The following STARD5 variants were observed in gnomAD, a reference collection of about 807,000 sequenced individuals.
The protein encoded by STARD5 is StAR related lipid transfer domain containing 5.
A neutral mutation model predicts 24.6 loss-of-function variants in STARD5; 26 were observed. The observed-to-expected ratio is 1.06, with a 90% CI of 0.77 to 1.47. STARD5 has a LOEUF of 1.47. Ranked by LOEUF, STARD5 falls within the 40% of genes most tolerant of loss-of-function variation. The pLI is 0.00. For missense variants in STARD5, 254 were observed against 270.8 expected, an observed-to-expected ratio of 0.94 and a Z score of 0.44; for synonymous variants, 101 against 99.7, an observed-to-expected ratio of 1.01 and a Z score of -0.07.
intron 1 of STARD5, 187 bp downstream of exon 1, chr15:81,323,814 T>C (rs758753668): frequency 1.4e-5 from 10 of 718,410 alleles, no homozygotes; most frequent in Admixed American, 7.4e-5. Flanking sequence ...CCTGAAGTCA[T>C]TGTGAGCATA....
At chr15:81,322,381 A>G (rs377167830) in intron 3 of STARD5, 27 bp downstream of exon 3, 3 of 1,600,114 alleles carry the variant, frequency 1.9e-6, no homozygotes, top group Non-Finnish European at 2.6e-6. Context: ...GACACTATCT[A>G]GAGATAACAT....
At chr15:81,314,173 A>C (rs900846847) in intron 5 of STARD5, 1 of 152,190 alleles carries the variant, frequency 6.6e-6, no homozygotes, top group African/African-American at 2.4e-5. Flanking sequence ...GGCCCTATGA[A>C]GCCCTCAAAT....
intron 1 of STARD5, chr15:81,323,699 T>C (rs1024830305): frequency 3.0e-5 from 27 of 887,706 alleles, no homozygotes; most frequent in East Asian, 5.1e-5. Flanking sequence ...TTAAATGCAA[T>C]TTATTTACTT....
At position 81,313,374 on chromosome 15, in the gene STARD5, A is replaced by G. The variant is rs376164995; in HGVS notation, c.524T>C (p.Phe175Ser). The change falls in exon 6 of 6, where the codon TTC (phenylalanine) becomes TCC (serine). Residue 175 changes from phenylalanine (F) to serine (S), a missense_variant. Physicochemically the swap from Phe to Ser is radical, Grantham distance 155. Transcript: ENST00000302824. Reference sequence around the variant, plus strand: ...GTAACCGCTGAGGTCGGTATGGAAGAATGTGACCAGGTTGGTCTTGGTGGG... The same window carrying G: ...GTAACCGCTGAGGTCGGTATGGAAGGATGTGACCAGGTTGGTCTTGGTGGG... ...GEPTKTNLVT[F>S]FHTDLSGYLP... 7.1e-5 allele frequency: 111 copies of G among 1,572,702 alleles called. No homozygotes were observed. The highest frequency in any genetic ancestry group is 9.4e-5 in the Non-Finnish European group (109 of 1,158,684).
chr15:81,323,101 C>A (rs2141679282), intron 1 of STARD5, 153 bp from the exon 2 acceptor site: 1 of 743,806 alleles, frequency 1.3e-6, no homozygotes, highest in Admixed American at 2.6e-5. Flanking sequence ...TGGGACTAGT[C>A]TTGGGCAAAG....
chr15:81,315,673 A>C (rs910065773), intron 5 of STARD5, among the ~76,000 whole-genome samples: 19 of 151,748 alleles, frequency 1.3e-4, no homozygotes, highest in Admixed American at 2.6e-4. Context: ...CTCAACCACC[A>C]CCACCTCTGG....
chr15:81,318,877 C>CA (rs1901137188), intron 4 of STARD5, among the ~76,000 whole-genome samples: 1 of 152,206 alleles, frequency 6.6e-6, no homozygotes, highest in African/African-American at 2.4e-5. Context: ...TCTCAAATCT[C>CA]AGCCAGGAGA....
At chr15:81,322,352 G>A in intron 3 of STARD5, 56 bp downstream of exon 3, 1 of 1,608,940 alleles carries the variant, frequency 6.2e-7, no homozygotes, top group South Asian at 1.1e-5. Context: ...ATGGGAGGGG[G>A]TTACTATAGC....
At chr15:81,323,798 T>C (rs1450795888) in intron 1 of STARD5, 1 of 706,112 alleles carries the variant, frequency 1.4e-6, no homozygotes. Context: ...GAACAGATAC[T>C]TACCACCTGA....
At chr15:81,315,771 T>C (rs536246972) in intron 5 of STARD5, among the ~76,000 whole-genome samples, 1 of 152,098 alleles carries the variant, frequency 6.6e-6, no homozygotes, top group African/African-American at 2.4e-5. Flanking sequence ...GAGAAGGCCC[T>C]AGCAAAGGCG....
intron 1 of STARD5, chr15:81,323,677 C>A: frequency 1.0e-6 from 1 of 994,348 alleles, no homozygotes; most frequent in Non-Finnish European, 1.6e-6. Flanking sequence ...TTTTTAAACA[C>A]CTGCTTACCC....
chr15:81,316,976 C>T (rs1901096150), intron 5 of STARD5, among the ~76,000 whole-genome samples: 3 of 152,086 alleles, frequency 2.0e-5, no homozygotes, highest in Admixed American at 1.3e-4. Context: ...AGACGGGGAT[C>T]ATTTGAGGTC....
At position 81,309,132 on chromosome 15, in the gene STARD5, T is replaced by TGTAACTGTGTCATGATTC. The variant is rs1900724358; in HGVS notation, c.*4106_*4123dup. 1 of 237,808 alleles carries TGTAACTGTGTCATGATTC rather than the reference T, an allele frequency of 4.2e-6. No homozygotes were observed. The highest frequency in any genetic ancestry group is 8.1e-6 in the Non-Finnish European group (1 of 123,196). 14.7% of individuals were successfully genotyped at this position (237,808 alleles called of 1,614,324 possible). A position where few individuals can be genotyped will look rare whatever the true frequency, so the allele number is the denominator to read the frequency against. On this transcript the variant is annotated 3_prime_UTR_variant, in exon 6 of 6. Coordinates refer to ENST00000302824, the MANE Select transcript of STARD5 (RefSeq NM_181900.3). The stretch of plus-strand genomic sequence containing the variant: ...TGGCTTCGCAAAATGTTTCAAGTAC[T>TGTAACTGTGTCATGATTC]GTAACTGTGTCATGATTCACCCCCA...
intron 1 of STARD5, 55 bp downstream of exon 1, chr15:81,323,946 C>T: frequency 6.5e-7 from 1 of 1,538,526 alleles, no homozygotes; most frequent in Non-Finnish European, 8.8e-7. Context: ...CTTCTGGGGA[C>T]CCGGGCTCCA....
chr15:81,323,420 C>G, intron 1 of STARD5: 1 of 340,452 alleles, frequency 2.9e-6, no homozygotes, highest in East Asian at 7.4e-5. Context: ...AAGGGTCAAG[C>G]AAAACTACTC....
intron 5 of STARD5, among the ~76,000 whole-genome samples, 173 bp downstream of exon 5, chr15:81,318,236 G>T (rs991723756): frequency 6.6e-6 from 1 of 152,190 alleles, no homozygotes; most frequent in Admixed American, 6.5e-5. Context: ...CTCTCAGGAG[G>T]TTCTGCTTAT....
At chr15:81,319,517 A>C in intron 3 of STARD5, 61 bp from the exon 4 acceptor site, 2 of 1,440,546 alleles carry the variant, frequency 1.4e-6, no homozygotes, top group South Asian at 1.1e-5. Flanking sequence ...CCCAACTCCC[A>C]CCCCATCCCT....
chr15:81,321,076 C>T (rs1051641666), intron 3 of STARD5, among the ~76,000 whole-genome samples: 2 of 152,190 alleles, frequency 1.3e-5, no homozygotes, highest in Non-Finnish European at 2.9e-5. Flanking sequence ...GGCAATTCTC[C>T]ACTTTTTTGT....
At chr15:81,318,975 C>G (rs1035146020) in intron 4 of STARD5, among the ~76,000 whole-genome samples, 1 of 152,054 alleles carries the variant, frequency 6.6e-6, no homozygotes, top group East Asian at 1.9e-4. Context: ...CCTCACTGGG[C>G]ATTAAGGGAG....
Sources: allele counts gnomAD v4.1 joint callset (sites outside exome capture counted in the v4.1 genomes callset), GRCh38; gene constraint gnomAD v4.1.1; transcripts MANE v1.5; gene names NCBI Gene and HGNC (gene_info 2026-07-23, HGNC 2026-07-21).